PARD3B: variants seen among roughly 807,000 people sequenced by gnomAD.
PARD3B encodes the protein par-3 family cell polarity regulator beta.
A neutral mutation model predicts 130.2 loss-of-function variants in PARD3B; 103 were observed. That is an observed-to-expected ratio of 0.79 (90% CI 0.67 to 0.93). The LOEUF is 0.93. Ranked by LOEUF, PARD3B falls within the 40% of genes least tolerant of loss-of-function variation. The probability of loss-of-function intolerance (pLI) is 0.00; values close to 1 mark genes in which losing one functional copy is unlikely to be tolerated. For synonymous variants in PARD3B, 583 were observed against 553.2 expected, an observed-to-expected ratio of 1.05 and a Z score of -0.76; for missense variants, 1,609 against 1,499.2, an observed-to-expected ratio of 1.07 and a Z score of -1.21.
intron 20 of PARD3B, among the ~76,000 whole-genome samples, chr2:205,495,524 G>T (rs898291654): frequency 2.0e-5 from 3 of 152,126 alleles, no homozygotes; most frequent in African/African-American, 7.2e-5. Flanking sequence ...AATAGTATTT[G>T]AATTACATCA....
intron 21 of PARD3B, among the ~76,000 whole-genome samples, chr2:205,520,494 T>C (rs1442031916): frequency 6.6e-6 from 1 of 152,154 alleles, no homozygotes; most frequent in East Asian, 1.9e-4. Context: ...GAGTTGCTAC[T>C]GGCTCAATAG....
intron 2 of PARD3B, among the ~76,000 whole-genome samples, chr2:204,918,953 A>AGTT (rs1559258724): frequency 1.3e-5 from 2 of 151,972 alleles, no homozygotes; most frequent in Admixed American, 6.6e-5. Flanking sequence ...TTTAAAACTA[A>AGTT]CACTCAATAC....
rs958199561 is a variant in PARD3B, at chr2:205,590,151, C to T, written c.3261-25305C>T. On this transcript the variant is annotated intron_variant, in intron 22 of 22. Coordinates refer to ENST00000406610, the MANE Select transcript of PARD3B (RefSeq NM_001302769.2). This position sits in a 1 kb window ranked among gnomAD's most constrained non-coding sequence, Gnocchi z 4.1. ...GTTCTCTCTACATATTATTCCGATG[C>T]TTTATTTATCCAATACAGGAAAAGA... Among the ~76,000 whole-genome samples the T allele has an allele frequency of 6.6e-6, 1 of 152,142 alleles. No homozygotes were observed. Among genetic ancestry groups the T allele is most frequent in the Non-Finnish European group, 1.5e-5 (1 of 68,022 alleles).
chr2:205,474,216 A>C (rs2048947740), intron 20 of PARD3B, among the ~76,000 whole-genome samples: 1 of 152,002 alleles, frequency 6.6e-6, no homozygotes, highest in Admixed American at 6.6e-5. Flanking sequence ...TTCTCTGAGT[A>C]TTCTATATTA....
chr2:205,090,642 T>C (rs149479791), intron 4 of PARD3B, among the ~76,000 whole-genome samples: 171 of 152,340 alleles, frequency 1.1e-3, no homozygotes, highest in African/African-American at 3.8e-3. Flanking sequence ...ACTAAGCCAA[T>C]AAAACTCAGG....
intron 4 of PARD3B, among the ~76,000 whole-genome samples, chr2:205,082,209 C>T (rs1346359045): frequency 6.6e-6 from 1 of 152,022 alleles, no homozygotes; most frequent in Non-Finnish European, 1.5e-5. Context: ...AGTGGTGTTC[C>T]CTTTTTCATT....
At position 204,673,639 on chromosome 2, in the gene PARD3B, T is replaced by A. The variant is rs2036407471; in HGVS notation, c.121-12542T>A. Among the ~76,000 whole-genome samples, 1 of 152,228 alleles carries A rather than the reference T, an allele frequency of 6.6e-6. No homozygotes were observed. Among genetic ancestry groups the A allele is most frequent in the Non-Finnish European group, 1.5e-5 (1 of 68,038 alleles). ...AAGTCTGTGCTCAAATGCCACTTTTTCATGGAGGCCGGGCCTGACCCCTTA... is the reference window on the plus strand; with the variant it reads ...AAGTCTGTGCTCAAATGCCACTTTTACATGGAGGCCGGGCCTGACCCCTTA... On this transcript the variant is annotated intron_variant, in intron 1 of 22. Coordinates refer to ENST00000406610, the MANE Select transcript of PARD3B (RefSeq NM_001302769.2). The surrounding 1 kb of genome is among the most constrained non-coding windows in gnomAD (Gnocchi z 4.7).
intron 18 of PARD3B, among the ~76,000 whole-genome samples, chr2:205,326,973 T>C (rs1207437): frequency 0.88 from 133,905 of 152,254 alleles, 59,068 homozygotes; most frequent in Admixed American, 0.92. Context: ...ATTACTAAAA[T>C]ATTTGCTACT....
At chr2:204,862,402 G>A (rs79434187) in intron 2 of PARD3B, among the ~76,000 whole-genome samples, 2 of 152,216 alleles carry the variant, frequency 1.3e-5, no homozygotes, top group South Asian at 2.1e-4. Flanking sequence ...TGATTCCAGG[G>A]CATAATTTAT....
At chr2:204,998,390 ATATATG>A (rs1179701686) in intron 3 of PARD3B, among the ~76,000 whole-genome samples, 1 of 74,136 alleles carries the variant, frequency 1.3e-5, no homozygotes, top group Admixed American at 2.0e-4. Context: ...ATGTGTGTGT[ATATATG>A]TATATATGTG....
At chr2:205,445,134 G>C (rs966706982) in intron 20 of PARD3B, among the ~76,000 whole-genome samples, 27 of 152,124 alleles carry the variant, frequency 1.8e-4, no homozygotes, top group African/African-American at 6.3e-4. Context: ...CTTCTCATAT[G>C]ATTACTGCAG....
At chr2:205,155,281 T>C (rs958259497) in intron 10 of PARD3B, among the ~76,000 whole-genome samples, 2 of 151,818 alleles carry the variant, frequency 1.3e-5, no homozygotes, top group Non-Finnish European at 2.9e-5. Flanking sequence ...TCTCTGCAAA[T>C]AGGGGCAGCG....
At chr2:205,040,946 T>G (rs559270950) in intron 3 of PARD3B, among the ~76,000 whole-genome samples, 1 of 152,244 alleles carries the variant, frequency 6.6e-6, no homozygotes, top group African/African-American at 2.4e-5. Context: ...CAGGTTATCG[T>G]GTTAATCCCA....
chr2:205,102,191 G>T (rs9678847), intron 4 of PARD3B, among the ~76,000 whole-genome samples: 94,579 of 151,748 alleles, frequency 0.62, 29,759 homozygotes, highest in East Asian at 0.79. Context: ...CTGTGAGAGA[G>T]AATAAATGTT....
intron 22 of PARD3B, among the ~76,000 whole-genome samples, chr2:205,577,896 G>A (rs773990368): frequency 2.2e-4 from 34 of 152,128 alleles, no homozygotes; most frequent in African/African-American, 3.6e-4. Flanking sequence ...AGTTGTTTCC[G>A]TATTTTATGA....
chr2:204,908,616 A>G (rs574114574), intron 2 of PARD3B, among the ~76,000 whole-genome samples: 2 of 152,312 alleles, frequency 1.3e-5, no homozygotes, highest in Admixed American at 1.3e-4. Flanking sequence ...AAAAGAATAC[A>G]CGAGACTGAA....
chr2:205,178,164 A>AT lies in PARD3B; in HGVS notation c.1924+1587_1924+1588insT, dbSNP rs1329884141. On this transcript the variant is annotated intron_variant, in intron 13 of 22. Transcript: ENST00000406610. ...GTACTAAAAAAAAAAAAAAAAAAAA[A>AT]AAAAAAAAAAAAAATTAGTCTGATG... Among the ~76,000 whole-genome samples the AT allele has an allele frequency of 2.7e-5, 4 of 148,890 alleles. No individual in the cohort carries two copies. The East Asian group carries it at 7.8e-4, about 29-fold the overall frequency.
chr2:204,733,981 A>G (rs1559099292), intron 2 of PARD3B, among the ~76,000 whole-genome samples: 1 of 152,168 alleles, frequency 6.6e-6, no homozygotes, highest in Non-Finnish European at 1.5e-5. Flanking sequence ...GAAAATGATA[A>G]ATTGTCAAGC....
intron 22 of PARD3B, among the ~76,000 whole-genome samples, chr2:205,608,578 T>C (rs2055106752): frequency 6.6e-6 from 1 of 152,164 alleles, no homozygotes; most frequent in African/African-American, 2.4e-5. Flanking sequence ...TTCTCAGTTA[T>C]CTTTTCTAAT....
Sources: allele counts gnomAD v4.1 joint callset (sites outside exome capture counted in the v4.1 genomes callset), GRCh38; gene constraint gnomAD v4.1.1; non-coding constraint Gnocchi (gnomAD v3.1); transcripts MANE v1.5; gene names NCBI Gene and HGNC (gene_info 2026-07-23, HGNC 2026-07-21).